Variants in TEKT1 observed in about 807,000 individuals in gnomAD.
TEKT1 encodes tektin-1.
A neutral mutation model predicts 34.8 loss-of-function variants in TEKT1; 32 were observed. The ratio of observed to expected loss-of-function variants is 0.92; its 90% confidence interval spans 0.69 to 1.23. The LOEUF is 1.23. TEKT1 is among the 50% of genes most tolerant of loss of function. The probability of loss-of-function intolerance (pLI) is 0.00; values close to 1 mark genes in which losing one functional copy is unlikely to be tolerated. For missense variants in TEKT1, 492 were observed against 518.5 expected, an observed-to-expected ratio of 0.95 and a Z score of 0.50; for synonymous variants, 207 against 199.8, an observed-to-expected ratio of 1.04 and a Z score of -0.30.
At chr17:6,815,798 C>T in intron 4 of TEKT1, 36 bp downstream of exon 4, 2 of 1,611,694 alleles carry the variant, frequency 1.2e-6, no homozygotes, top group Middle Eastern at 3.3e-4. Context: ...TCAAAATTCC[C>T]AGTGGAGATT....
intron 6 of TEKT1, among the ~76,000 whole-genome samples, chr17:6,802,125 G>A (rs1041402142): frequency 2.0e-5 from 3 of 152,076 alleles, no homozygotes; most frequent in African/African-American, 7.2e-5. Context: ...ATAATATTTA[G>A]TGATCACATT....
chr17:6,820,463 C>G (rs1977071709), intron 2 of TEKT1, among the ~76,000 whole-genome samples: 1 of 151,920 alleles, frequency 6.6e-6, no homozygotes, highest in Non-Finnish European at 1.5e-5. Context: ...GTTTCCACTT[C>G]TGTAAGCTGA....
rs780682016 is a variant in TEKT1, at chr17:6,815,889, G to C, written c.430C>G (p.Gln144Glu). 1.9e-5 allele frequency: 31 copies of C among 1,614,158 alleles called. No homozygotes were observed. Among genetic ancestry groups the C allele is most frequent in the Middle Eastern group, 1.6e-4 (1 of 6,062 alleles). ...CGGGTCAGCAGAGCCATAATGCCCT[G>C]GATGATCTCAGCCTCCTTTATCAGC... Reference protein sequence around the residue: ...HELIKEAEIIQGIMALLTRTL... With the variant: ...HELIKEAEIIEGIMALLTRTL... The change falls in exon 4 of 8, where the codon CAG (glutamine) becomes GAG (glutamate). Residue 144 changes from glutamine (Q) to glutamate (E), a missense_variant. By Grantham distance (29) the Gln-to-Glu change is conservative. Coordinates refer to ENST00000338694, the MANE Select transcript of TEKT1 (RefSeq NM_053285.2).
rs959051606 is a variant in TEKT1 at position 6,799,385 on chromosome 17, A to G, written c.*642T>C. 1 of 152,330 alleles carries G rather than the reference A, an allele frequency of 6.6e-6. No individual in the cohort carries two copies. The highest frequency in any genetic ancestry group is 6.5e-5 in the Admixed American group (1 of 15,308). 9.4% of individuals were successfully genotyped at this position (152,330 alleles called of 1,614,324 possible). A position where few individuals can be genotyped will look rare whatever the true frequency, so the allele number is the denominator to read the frequency against. On this transcript the variant is annotated 3_prime_UTR_variant, in exon 8 of 8. Transcript: ENST00000338694. The stretch of plus-strand genomic sequence containing the variant: ...TTGGTATAGGGTGGGACTGCTCACA[A>G]TGGCTCACATTCATTAAACACTCAC...
chr17:6,816,200 CT>C (rs963245477), intron 3 of TEKT1, among the ~76,000 whole-genome samples: 4 of 151,944 alleles, frequency 2.6e-5, no homozygotes, highest in Non-Finnish European at 4.4e-5. Flanking sequence ...GCCAAATGGA[CT>C]TTTTTTTCTC....
chr17:6,819,143 C>A, intron 3 of TEKT1, 50 bp downstream of exon 3: 1 of 1,580,390 alleles, frequency 6.3e-7, no homozygotes. Flanking sequence ...TACTACCCAG[C>A]ATCTCATTTG....
rs1420817565 is a variant in TEKT1 at position 6,799,599 on chromosome 17, T to C, written c.*428A>G. 1 of 153,842 alleles carries C rather than the reference T, an allele frequency of 6.5e-6. No individual in the cohort carries two copies. The highest frequency in any genetic ancestry group is 1.4e-5 in the Non-Finnish European group (1 of 69,372). 9.5% of individuals were successfully genotyped at this position (153,842 alleles called of 1,614,324 possible). A position where few individuals can be genotyped will look rare whatever the true frequency, so the allele number is the denominator to read the frequency against. ...GGAATTTTGTTCTTTTTCTTTATGT[T>C]ATTTGAGTATTTAAGAGAAAAAAAA... On this transcript the variant is annotated 3_prime_UTR_variant, in exon 8 of 8. Transcript: ENST00000338694.
intron 2 of TEKT1, among the ~76,000 whole-genome samples, chr17:6,829,920 C>T (rs951152803): frequency 1.2e-4 from 18 of 152,114 alleles, no homozygotes; most frequent in Non-Finnish European, 2.1e-4. Flanking sequence ...CTGTGATATG[C>T]CTAGTGTGTA....
At position 6,830,382 on chromosome 17, in the gene TEKT1, G is replaced by C; in HGVS notation, c.-6C>G. On this transcript the variant is annotated 5_prime_UTR_variant, in exon 2 of 8. Coordinates refer to ENST00000338694, the MANE Select transcript of TEKT1 (RefSeq NM_053285.2). ...GGTTGTAATAGTTTAGCCATTTGAG[G>C]TTTCCAAATTCCTGATCAAAAGCAG... 1 of 1,553,776 alleles carries C rather than the reference G, an allele frequency of 6.4e-7. No homozygotes were observed. Among genetic ancestry groups the C allele is most frequent in the Non-Finnish European group, 8.6e-7 (1 of 1,156,462 alleles).
intron 5 of TEKT1, 151 bp downstream of exon 5, chr17:6,815,012 G>T: frequency 1.1e-6 from 1 of 887,246 alleles, no homozygotes; most frequent in Non-Finnish European, 1.7e-6. Flanking sequence ...GAGCCTCTGG[G>T]CCCAATGTCA....
Position 6,819,262 on chromosome 17 carries a change from A to C in TEKT1, c.287T>G (p.Ile96Ser). 6.2e-7 allele frequency: 1 copy of C among 1,613,900 alleles called. No homozygotes were observed. The highest frequency in any genetic ancestry group is 1.1e-5 in the South Asian group (1 of 91,030). ...GGTCTCCAGGGCTTTTTCCAATCTG[A>C]TCTTATATATGAGTAGATCATCAGT... Reference protein sequence around the residue: ...NVTDDLLIYKIRLEKALETLK... With the variant: ...NVTDDLLIYKSRLEKALETLK... The change falls in exon 3 of 8, where the codon ATC becomes AGC. Residue 96 changes from isoleucine (I) to serine (S), a missense_variant. By Grantham distance (142) the Ile-to-Ser change is moderately radical. Transcript: ENST00000338694.
At chr17:6,812,178 G>A (rs148531414) in intron 6 of TEKT1, among the ~76,000 whole-genome samples, 37 of 152,190 alleles carry the variant, frequency 2.4e-4, no homozygotes, top group Non-Finnish European at 4.3e-4. Context: ...TGAAGAAGGT[G>A]CTGGCTTCTC....
chr17:6,820,711 G>A (rs1291834054), intron 2 of TEKT1, among the ~76,000 whole-genome samples: 3 of 152,088 alleles, frequency 2.0e-5, no homozygotes, highest in Non-Finnish European at 4.4e-5. Flanking sequence ...CTAGTTTGCT[G>A]TGTAGCTGTC....
Position 6,808,464 on chromosome 17 carries a change from A to G in TEKT1, c.852+4367T>C, listed in dbSNP as rs916077428. On this transcript the variant is annotated intron_variant, in intron 6 of 7. Transcript: ENST00000338694. The stretch of plus-strand genomic sequence containing the variant: ...CTTCGGCTTATGCTTGGTGCGCTGC[A>G]CCCACTGTCCTGCACCCACTTTCCG... Among the ~76,000 whole-genome samples the G allele has an allele frequency of 2.0e-5, 3 of 152,110 alleles. No individual in the cohort carries two copies. In the East Asian group the frequency reaches 5.8e-4, roughly 30 times the overall value.
At chr17:6,817,836 C>T (rs1036889798) in intron 3 of TEKT1, among the ~76,000 whole-genome samples, 1 of 152,206 alleles carries the variant, frequency 6.6e-6, no homozygotes, top group Non-Finnish European at 1.5e-5. Context: ...GCATAAGCTA[C>T]AGTACCTGGC....
intron 4 of TEKT1, 143 bp from the exon 5 acceptor site, chr17:6,815,449 C>T: frequency 3.2e-6 from 3 of 935,454 alleles, no homozygotes; most frequent in Non-Finnish European, 5.0e-6. Context: ...CCCCAACACT[C>T]ATGCGTATAC....
At chr17:6,800,981 G>C in intron 6 of TEKT1, 38 bp from the exon 7 acceptor site, 6 of 1,570,936 alleles carry the variant, frequency 3.8e-6, no homozygotes, top group Non-Finnish European at 4.3e-6. Flanking sequence ...GCCAAGCTGT[G>C]CTCCTCAAAA....
intron 5 of TEKT1, 86 bp downstream of exon 5, chr17:6,815,077 C>A: frequency 1.3e-6 from 2 of 1,510,574 alleles, no homozygotes; most frequent in African/African-American, 1.4e-5. Flanking sequence ...AAGCTCTCAG[C>A]CAGCTGCAAG....
In TEKT1 at chr17:6,815,976, A is replaced by G; in HGVS notation, c.357-14T>C. The G allele has an allele frequency of 6.2e-7, 1 of 1,613,394 alleles. No homozygotes were observed. Among genetic ancestry groups the G allele is most frequent in the Non-Finnish European group, 8.5e-7 (1 of 1,179,994 alleles). On this transcript the variant is annotated splice_polypyrimidine_tract_variant and intron_variant, in intron 3 of 7. Transcript: ENST00000338694. ...ATGCGCTTCTCCCTGGCAGGGGGAA[A>G]GGCAGCCAGTCAGCCAACACGTGCA...
Sources: allele counts gnomAD v4.1 joint callset (sites outside exome capture counted in the v4.1 genomes callset), GRCh38; gene constraint gnomAD v4.1.1; transcripts MANE v1.5; gene names NCBI Gene and HGNC (gene_info 2026-07-23, HGNC 2026-07-21).